The following COL27A1 variants were observed in gnomAD, a reference collection of about 807,000 sequenced individuals.
COL27A1 encodes collagen type XXVII alpha 1 chain.
Under a neutral mutation model 251.3 loss-of-function variants are expected in COL27A1, and 106 were observed. The ratio of observed to expected loss-of-function variants is 0.42; its 90% CI spans 0.36 to 0.50. COL27A1 has a LOEUF of 0.50. COL27A1 is among the 20% of genes least tolerant of loss of function. The pLI, the probability that COL27A1 is intolerant of heterozygous loss-of-function variation, is 0.00. For synonymous variants in COL27A1, 1,000 were observed against 986.3 expected (o/e 1.01, Z -0.26); for missense variants, 2,325 against 2,522.8 (o/e 0.92, Z 1.68).
In COL27A1 at chr9:114,201,176, C is replaced by T. The variant is rs532871810; in HGVS notation, c.2125-3926C>T. The stretch of plus-strand genomic sequence containing the variant: ...GTTCTGTGGAGACCCGCCTGCTGGG[C>T]AGCCAGAGGCCCCTTGCAGACACCA... On this transcript the variant is annotated intron_variant, in intron 7 of 60. Transcript: ENST00000356083. Among the ~76,000 whole-genome samples the T allele has an allele frequency of 2.0e-5, 3 of 152,364 alleles. No individual in the cohort carries two copies. The East Asian group carries it at 5.8e-4, about 29-fold the overall frequency.
intron 24 of COL27A1, 27 bp downstream of exon 24, chr9:114,245,937 G>A (rs367601534): frequency 2.6e-5 from 41 of 1,607,482 alleles, no homozygotes; most frequent in Middle Eastern, 1.7e-4. Context: ...CTCTGAATGA[G>A]TGGCTCCATT....
At position 114,262,428 on chromosome 9, in the gene COL27A1, A is replaced by G. The variant is rs116368713; in HGVS notation, c.3196-1927A>G. Reference sequence around the variant, plus strand: ...AAATTCTCAACTGGTTTTACACAGCATAGTGTGAACTGCCTGAGGAAGGGA... The same window carrying G: ...AAATTCTCAACTGGTTTTACACAGCGTAGTGTGAACTGCCTGAGGAAGGGA... On this transcript the variant is annotated intron_variant, in intron 28 of 60. Transcript: ENST00000356083. Among the ~76,000 whole-genome samples the G allele has an allele frequency of 8.5e-3, 1,300 of 152,328 alleles. 18 individuals are homozygous for G. The highest frequency in any genetic ancestry group is 0.03 in the African/African-American group (1,237 of 41,572).
intron 49 of COL27A1, among the ~76,000 whole-genome samples, chr9:114,294,307 T>G (rs1828126443): frequency 6.7e-6 from 1 of 149,940 alleles, no homozygotes; most frequent in South Asian, 2.1e-4. Context: ...TCCAGAACAT[T>G]GAAGAGGAGA....
At chr9:114,187,451 G>A (rs1828442626) in intron 5 of COL27A1, among the ~76,000 whole-genome samples, 1 of 152,250 alleles carries the variant, frequency 6.6e-6, no homozygotes. Context: ...ACTTTGCAGG[G>A]CAGGTATTAT....
chr9:114,304,269 T>G (rs1170391977), intron 56 of COL27A1, among the ~76,000 whole-genome samples: 1 of 152,204 alleles, frequency 6.6e-6, no homozygotes, highest in Non-Finnish European at 1.5e-5. Flanking sequence ...TCATGGCGTT[T>G]AGGAACTTAG....
In COL27A1 at chr9:114,290,846, G is replaced by T; in HGVS notation, c.4405G>T (p.Gly1469Cys). ...QGDDGDPGPM[G>C]PAGKRGNPGV... ...AGACGATGGGGACCCTGGCCCCATG[G>T]GCCCTGCTGGGAAGAGAGGAAATCC... Residue 1469 changes from glycine (G) to cysteine (C), a missense_variant, in exon 48 of 61, where the codon GGC (glycine) becomes TGC (cysteine). Gly to Cys is a radical substitution (Grantham distance 159). Coordinates refer to ENST00000356083, the MANE Select transcript of COL27A1 (RefSeq NM_032888.4). The surrounding 1 kb of genome is among the most constrained non-coding windows in gnomAD (Gnocchi z 4.6). The T allele has an allele frequency of 6.4e-7, 1 of 1,551,582 alleles. No individual in the cohort carries two copies. Among genetic ancestry groups the T allele is most frequent in the South Asian group, 1.2e-5 (1 of 84,084 alleles).
intron 5 of COL27A1, among the ~76,000 whole-genome samples, chr9:114,192,904 A>G (rs1373588088): frequency 6.6e-6 from 1 of 152,196 alleles, no homozygotes; most frequent in East Asian, 1.9e-4. Flanking sequence ...AAAAGAACTG[A>G]GTGGGAATTA....
chr9:114,299,571 C>T (rs940486348), intron 49 of COL27A1, among the ~76,000 whole-genome samples: 10 of 152,212 alleles, frequency 6.6e-5, no homozygotes, highest in African/African-American at 2.4e-4. Context: ...AGTTCCTGCC[C>T]TCTCTGAGCC....
At chr9:114,216,828 C>A (rs759470609) in intron 12 of COL27A1, among the ~76,000 whole-genome samples, 1 of 152,084 alleles carries the variant, frequency 6.6e-6, no homozygotes, top group East Asian at 1.9e-4. Context: ...CCAAGCAGAA[C>A]CAGTCCTCAG....
At chr9:114,274,016 T>A (rs1035992061) in intron 36 of COL27A1, 1 of 151,572 alleles carries the variant, frequency 6.6e-6, no homozygotes, top group African/African-American at 2.4e-5. Context: ...CCAAAGTGAG[T>A]GGATCATCTG....
intron 14 of COL27A1, among the ~76,000 whole-genome samples, chr9:114,227,484 C>T (rs974426159): frequency 1.3e-5 from 2 of 152,036 alleles, no homozygotes; most frequent in Non-Finnish European, 2.9e-5. Context: ...CTCAGTTTTC[C>T]CATCTGTAAA....
chr9:114,265,524 G>GCCCACACCCCC, intron 32 of COL27A1, 49 bp downstream of exon 32: 1 of 1,580,018 alleles, frequency 6.3e-7, no homozygotes, highest in Non-Finnish European at 8.7e-7. Context: ...CTGGCACCTG[G>GCCCACACCCCC]GGGTGTGGGC....
chr9:114,188,498 T>C (rs1004628235), intron 5 of COL27A1, among the ~76,000 whole-genome samples: 1 of 152,222 alleles, frequency 6.6e-6, no homozygotes, highest in Non-Finnish European at 1.5e-5. Flanking sequence ...AGGATGATCA[T>C]AGTTCATACC....
intron 14 of COL27A1, among the ~76,000 whole-genome samples, chr9:114,227,641 G>A (rs541007276): frequency 1.3e-5 from 2 of 151,960 alleles, no homozygotes; most frequent in East Asian, 1.9e-4. Context: ...AGTGGATAGC[G>A]TGCATCTGGC....
At chr9:114,217,377 GC>G (rs1052992862) in intron 12 of COL27A1, among the ~76,000 whole-genome samples, 9 of 152,150 alleles carry the variant, frequency 5.9e-5, no homozygotes, top group Admixed American at 2.0e-4. Context: ...GAGAACTGAG[GC>G]CCCAAGAGGC....
intron 15 of COL27A1, 53 bp downstream of exon 15, chr9:114,231,185 G>A (rs1017194802): frequency 3.4e-5 from 53 of 1,541,606 alleles, no homozygotes; most frequent in East Asian, 4.5e-5. Context: ...GGGCACCCCC[G>A]ACCCATTTCA....
At chr9:114,303,270 G>C (rs983571555) in intron 56 of COL27A1, among the ~76,000 whole-genome samples, 3 of 116,514 alleles carry the variant, frequency 2.6e-5, no homozygotes, top group African/African-American at 6.5e-5. Context: ...ACACAGTCTT[G>C]CTCTGTCTCC....
intron 12 of COL27A1, among the ~76,000 whole-genome samples, chr9:114,217,228 C>T (rs75255054): frequency 0.035 from 5,273 of 152,252 alleles, 100 homozygotes; most frequent in South Asian, 0.068. Context: ...TTCTGATGAC[C>T]GTCTCTCCCT....
chr9:114,173,790 AG>A (rs1449289211), intron 3 of COL27A1, among the ~76,000 whole-genome samples: 1 of 151,902 alleles, frequency 6.6e-6, no homozygotes, highest in Non-Finnish European at 1.5e-5. Flanking sequence ...GTGGGTGTTG[AG>A]GTGGGGACTT....
Sources: gnomAD v4.1 joint callset for allele counts (sites outside exome capture counted in the v4.1 genomes callset) on GRCh38, gnomAD v4.1.1 for gene constraint, Gnocchi (gnomAD v3.1) non-coding constraint, MANE v1.5 for transcripts, NCBI Gene and HGNC (gene_info 2026-07-23, HGNC 2026-07-21) for gene names.